Variants in ACVR1C observed in about 807,000 individuals in gnomAD.
ACVR1C encodes activin A receptor type 1C.
ACVR1C carries 23 observed loss-of-function variants against 57.9 expected under a neutral mutation model. The ratio of observed to expected loss-of-function variants is 0.40; its 90% confidence interval spans 0.29 to 0.56. The LOEUF (loss-of-function observed/expected upper bound fraction) is 0.56. Among genes scored for constraint, ACVR1C ranks in the 20% least tolerant of loss-of-function variants. The probability of loss-of-function intolerance (pLI) is 0.50; values close to 1 mark genes in which losing one functional copy is unlikely to be tolerated. For synonymous variants in ACVR1C, 214 were observed against 215.3 expected (o/e 0.99, Z 0.05); for missense variants, 480 against 607.9 (o/e 0.79, Z 2.21).
At chr2:157,590,224 T>C (rs1689030172) in intron 1 of ACVR1C, among the ~76,000 whole-genome samples, 1 of 151,966 alleles carries the variant, frequency 6.6e-6, no homozygotes, top group African/African-American at 2.4e-5. Flanking sequence ...TGCCCTCCCA[T>C]AACTATCTAA....
chr2:157,585,743 G>A (rs1042562384), intron 2 of ACVR1C, among the ~76,000 whole-genome samples: 1 of 152,086 alleles, frequency 6.6e-6, no homozygotes, highest in African/African-American at 2.4e-5. Flanking sequence ...AAAATATAAG[G>A]AAACAAGTGC....
At chr2:157,614,798 C>A (rs1372914252) in intron 1 of ACVR1C, among the ~76,000 whole-genome samples, 46 of 152,096 alleles carry the variant, frequency 3.0e-4, no homozygotes, top group Non-Finnish European at 5.9e-5. Flanking sequence ...ATTAATATAG[C>A]CACCCCAGCT....
intron 1 of ACVR1C, among the ~76,000 whole-genome samples, chr2:157,593,976 C>T (rs1031673644): frequency 1.3e-5 from 2 of 152,060 alleles, no homozygotes; most frequent in Non-Finnish European, 2.9e-5. Context: ...CAAAGAAAAA[C>T]TGTTCCTTTG....
chr2:157,565,268 G>A (rs1266233082), intron 2 of ACVR1C, among the ~76,000 whole-genome samples: 1 of 152,140 alleles, frequency 6.6e-6, no homozygotes, highest in Non-Finnish European at 1.5e-5. Flanking sequence ...AATGGGCTAA[G>A]GAGCTAAGTC....
rs528572688 is a variant in ACVR1C, at chr2:157,529,578, T to C, written c.*4340A>G. On this transcript the variant is annotated 3_prime_UTR_variant, in exon 9 of 9. Transcript: ENST00000243349. ...GAGTTCTGCTAGTAACTAGTAGTCA[T>C]TTAATCTCTGATCCTTGGTTTCGTC... The C allele has an allele frequency of 6.6e-6, 1 of 152,168 alleles. No homozygotes were observed. The highest frequency in any genetic ancestry group is 2.4e-5 in the African/African-American group (1 of 41,548). The allele number at this position is 152,168 out of a possible 1,614,324, so 9.4% of individuals were successfully genotyped here. A position where few individuals can be genotyped will look rare whatever the true frequency, so the allele number is the denominator to read the frequency against.
At position 157,544,694 on chromosome 2, in the gene ACVR1C, C is replaced by T. The variant is rs1376662915; in HGVS notation, c.776-82G>A. The T allele has an allele frequency of 5.6e-6, 7 of 1,247,858 alleles. No individual in the cohort carries two copies. In the South Asian group the frequency reaches 9.1e-5, roughly 16 times the overall value. 77.3% of individuals were successfully genotyped at this position (1,247,858 alleles called of 1,614,324 possible). A position where few individuals can be genotyped will look rare whatever the true frequency, so the allele number is the denominator to read the frequency against. On this transcript the variant is annotated intron_variant, in intron 4 of 8. Coordinates refer to ENST00000243349, the MANE Select transcript of ACVR1C (RefSeq NM_145259.3). ...GCTTTTAAAAATATCAGTGTTTAAT[C>T]TGTATTGTTAACAAAGCAAAGTTAA...
At chr2:157,587,669 C>T (rs1404900657) in intron 1 of ACVR1C, among the ~76,000 whole-genome samples, 12 of 151,944 alleles carry the variant, frequency 7.9e-5, no homozygotes, top group Non-Finnish European at 1.5e-4. Context: ...AAAGCATTTG[C>T]CTCATCCATG....
intron 3 of ACVR1C, among the ~76,000 whole-genome samples, chr2:157,551,475 C>T (rs1165921880): frequency 6.6e-6 from 1 of 152,108 alleles, no homozygotes; most frequent in Non-Finnish European, 1.5e-5. Context: ...TAAATAAAAA[C>T]AGCATAGTAC....
intron 3 of ACVR1C, among the ~76,000 whole-genome samples, chr2:157,554,003 T>A (rs867053194): frequency 1.4e-4 from 21 of 151,414 alleles, no homozygotes; most frequent in Middle Eastern, 3.4e-3. Context: ...GCCAACATGG[T>A]GAAACCCCAT....
rs531526054 is a variant in ACVR1C, at chr2:157,533,968, T to A, written c.1432A>T (p.Ile478Phe). ...NGAARLTALR[I>F]KKTISQLCVK... ...CAAAGTTGAGATATAGTCTTCTTAA[T>A]ACGAAGAGCAGTTAGGCGGGCCGCT... is the stretch of plus-strand genomic sequence containing the variant. Residue 478 changes from isoleucine (I) to phenylalanine (F), a missense_variant, in exon 9 of 9, where the codon ATT becomes TTT. Physicochemically the swap from Ile to Phe is conservative, Grantham distance 21 (BLOSUM62 0). Transcript: ENST00000243349. 6.3e-7 allele frequency: 1 copy of A among 1,596,346 alleles called. No homozygotes were observed. The highest frequency in any genetic ancestry group is 1.4e-5 in the African/African-American group (1 of 73,522).
At chr2:157,549,124 G>T (rs889525929) in intron 4 of ACVR1C, among the ~76,000 whole-genome samples, 1 of 152,172 alleles carries the variant, frequency 6.6e-6, no homozygotes, top group Non-Finnish European at 1.5e-5. Flanking sequence ...AGGAGGCCGA[G>T]GGGGGTGGAT....
chr2:157,544,035 CTT>C (rs1217763945), intron 5 of ACVR1C, among the ~76,000 whole-genome samples: 24 of 124,386 alleles, frequency 1.9e-4, no homozygotes, highest in African/African-American at 5.8e-4. Flanking sequence ...TGTTTCTTTA[CTT>C]TTTTTTTTTT....
intron 2 of ACVR1C, among the ~76,000 whole-genome samples, chr2:157,562,303 A>ATATAT (rs752059219): frequency 1.5e-5 from 2 of 129,764 alleles, no homozygotes; most frequent in Admixed American, 7.6e-5. Flanking sequence ...CAAAAAAAAA[A>ATATAT]AAATATATAT....
intron 1 of ACVR1C, among the ~76,000 whole-genome samples, chr2:157,618,505 C>T (rs1446120486): frequency 1.3e-5 from 2 of 151,268 alleles, no homozygotes; most frequent in South Asian, 2.1e-4. Context: ...GTATGTAAGA[C>T]AGGATTAAAA....
chr2:157,614,031 G>A (rs1440307460), intron 1 of ACVR1C, among the ~76,000 whole-genome samples: 3 of 152,130 alleles, frequency 2.0e-5, no homozygotes, highest in African/African-American at 7.2e-5. Flanking sequence ...GCTATAAAAT[G>A]AATGTCTTTA....
At chr2:157,565,847 G>A (rs932239956) in intron 2 of ACVR1C, among the ~76,000 whole-genome samples, 5 of 152,184 alleles carry the variant, frequency 3.3e-5, no homozygotes, top group African/African-American at 1.2e-4. Context: ...TGAACATCAA[G>A]AGGCTGCAAA....
intron 2 of ACVR1C, among the ~76,000 whole-genome samples, chr2:157,580,395 T>C (rs1302394564): frequency 6.6e-6 from 1 of 152,192 alleles, no homozygotes; most frequent in Non-Finnish European, 1.5e-5. Context: ...ATTTCACAAT[T>C]AGATATTTAA....
rs536144099 is a variant in ACVR1C at position 157,608,485 on chromosome 2, T to C, written c.73+20087A>G. Among the ~76,000 whole-genome samples, 9 of 152,018 alleles carry C rather than the reference T, an allele frequency of 5.9e-5. No homozygotes were observed. In the South Asian group the frequency reaches 1.7e-3, roughly 28 times the overall value. ...TCGTTGTCTAGGGCTATCAGGGTATTGCTGGCCTTAAAAAATGAGTTTAGG... is the reference window on the plus strand; with the variant it reads ...TCGTTGTCTAGGGCTATCAGGGTATCGCTGGCCTTAAAAAATGAGTTTAGG... On this transcript the variant is annotated intron_variant, in intron 1 of 8. Coordinates refer to ENST00000243349, the MANE Select transcript of ACVR1C (RefSeq NM_145259.3).
At chr2:157,602,849 A>C (rs1682310776) in intron 1 of ACVR1C, among the ~76,000 whole-genome samples, 2 of 152,292 alleles carry the variant, frequency 1.3e-5, no homozygotes, top group South Asian at 4.1e-4. Flanking sequence ...TACATTTTTC[A>C]ACACTTTTCC....
Sources: gnomAD v4.1 joint callset for allele counts (sites outside exome capture counted in the v4.1 genomes callset) on GRCh38, gnomAD v4.1.1 for gene constraint, MANE v1.5 for transcripts, NCBI Gene and HGNC (gene_info 2026-07-23, HGNC 2026-07-21) for gene names.